The following SLC17A1 variants were observed in gnomAD, a reference collection of about 807,000 sequenced individuals.
SLC17A1 encodes solute carrier family 17 member 1.
In SLC17A1, 51 loss-of-function variants were observed where a neutral mutation model predicts 53.5. That is an observed-to-expected ratio of 0.95 (90% CI 0.76 to 1.20). The LOEUF (loss-of-function observed/expected upper bound fraction) is 1.20. Among genes scored for constraint, SLC17A1 ranks in the 50% most tolerant of loss-of-function variants. SLC17A1 has a pLI of 0.00. For synonymous variants in SLC17A1, 179 were observed against 198.8 expected (o/e 0.90, Z 0.84); for missense variants, 538 against 568.2 (o/e 0.95, Z 0.54).
downstream of SLC17A1, chr6:25,779,207 T>G (rs759611063): frequency 1.9e-6 from 3 of 1,612,626 alleles, no homozygotes; most frequent in Admixed American, 5.0e-5. Flanking sequence ...AGAGATGTGC[T>G]AGATCCTGGT....
At position 25,819,252 on chromosome 6, in the gene SLC17A1, C is replaced by A. The variant is rs974862697; in HGVS notation, c.530-98G>T. 8.2e-4 allele frequency: 664 copies of A among 807,550 alleles called. 5 individuals are homozygous for A. The highest frequency in any genetic ancestry group is 1.5e-4 in the Non-Finnish European group (75 of 511,628). 50.0% of individuals were successfully genotyped at this position (807,550 alleles called of 1,614,324 possible). On this transcript the variant is annotated intron_variant, in intron 5 of 12. Transcript: ENST00000244527. Reference sequence around the variant, plus strand: ...TAGCAATGAACAATTTCCTGTGAAACAAATTTGTGTATCATAACACAAACA... The same window carrying A: ...TAGCAATGAACAATTTCCTGTGAAAAAAATTTGTGTATCATAACACAAACA...
chr6:25,751,857 G>GA, the SLC17A1 span, among the ~76,000 whole-genome samples: 36,346 of 150,506 alleles, frequency 0.24, 4,911 homozygotes, highest in Non-Finnish European at 0.31. Context: ...AAAGAAAAAA[G>GA]AAAAAAAAAG....
chr6:25,744,271 A>C, the SLC17A1 span, among the ~76,000 whole-genome samples: 2 of 152,194 alleles, frequency 1.3e-5, no homozygotes, highest in Non-Finnish European at 2.9e-5. Flanking sequence ...TGTGTGAGTA[A>C]TCAAGAAACT....
the SLC17A1 span, among the ~76,000 whole-genome samples, chr6:25,739,382 C>T: frequency 1.5e-5 from 2 of 137,388 alleles, no homozygotes; most frequent in Non-Finnish European, 3.2e-5. Flanking sequence ...TACCATCACA[C>T]TGGAAGTTAG....
chr6:25,766,253 A>C, the SLC17A1 span, among the ~76,000 whole-genome samples: 1 of 151,798 alleles, frequency 6.6e-6, no homozygotes, highest in African/African-American at 2.4e-5. Context: ...GAAATGAAGA[A>C]AATTGTCAAA....
the SLC17A1 span, chr6:25,762,063 T>C: frequency 6.2e-7 from 1 of 1,610,202 alleles, no homozygotes; most frequent in South Asian, 1.1e-5. Context: ...GGTAAAATCA[T>C]GCACAGTAAT....
At chr6:25,804,517 T>G (rs1763890861) in intron 10 of SLC17A1, among the ~76,000 whole-genome samples, 1 of 152,042 alleles carries the variant, frequency 6.6e-6, no homozygotes, top group African/African-American at 2.4e-5. Context: ...ATGACTGGAA[T>G]AGTACCTGAC....
intron 10 of SLC17A1, 82 bp from the exon 11 acceptor site, chr6:25,801,062 A>G (rs1048555955): frequency 1.4e-4 from 109 of 797,740 alleles, no homozygotes; most frequent in Middle Eastern, 3.4e-4. Flanking sequence ...GAAATTTAAG[A>G]GAGATAATTG....
At chr6:25,726,816 G>T in the SLC17A1 span, 30 of 1,419,318 alleles carry the variant, frequency 2.1e-5, no homozygotes, top group Non-Finnish European at 2.4e-5. Flanking sequence ...AGGTCATTTG[G>T]AGCTGTTTAA....
chr6:25,786,072 A>C (rs1166801207), intron 12 of SLC17A1, among the ~76,000 whole-genome samples: 1 of 152,256 alleles, frequency 6.6e-6, no homozygotes, highest in Non-Finnish European at 1.5e-5. Flanking sequence ...TAAACAACTC[A>C]AATGCTCCTC....
At chr6:25,812,785 C>T in intron 8 of SLC17A1, 46 bp downstream of exon 8, 1 of 1,442,104 alleles carries the variant, frequency 6.9e-7, no homozygotes, top group South Asian at 1.3e-5. Context: ...CAAATGTACA[C>T]AGAGTCTTTC....
At chr6:25,826,701 A>T (rs1365364187) in intron 2 of SLC17A1, 68 bp from the exon 3 acceptor site, 7 of 1,181,544 alleles carry the variant, frequency 5.9e-6, no homozygotes, top group Non-Finnish European at 5.6e-6. Context: ...TAACTATAGG[A>T]GGGACATTCA....
the SLC17A1 span, chr6:25,777,279 T>C: frequency 3.7e-6 from 1 of 271,142 alleles, no homozygotes; most frequent in Non-Finnish European, 6.9e-6. Flanking sequence ...ATCTTGAGAT[T>C]CTATAGGGTA....
intron 11 of SLC17A1, 117 bp from the exon 12 acceptor site, chr6:25,799,036 CATACTT>C (rs769854632): frequency 1.0e-4 from 89 of 869,040 alleles, no homozygotes; most frequent in African/African-American, 2.5e-4. Flanking sequence ...TATGGAAAAA[CATACTT>C]ATACATAGCC....
intron 2 of SLC17A1, among the ~76,000 whole-genome samples, chr6:25,829,215 C>G (rs1764859611): frequency 6.6e-6 from 1 of 151,962 alleles, no homozygotes; most frequent in Non-Finnish European, 1.5e-5. Flanking sequence ...TACCAAGGTC[C>G]TAGCGATGCG....
chr6:25,733,614 G>A, the SLC17A1 span, among the ~76,000 whole-genome samples: 4 of 151,952 alleles, frequency 2.6e-5, no homozygotes, highest in African/African-American at 9.7e-5. Flanking sequence ...ATGTTTATAA[G>A]GTTTATAACA....
the SLC17A1 span, chr6:25,726,962 A>G: frequency 6.2e-7 from 1 of 1,614,170 alleles, no homozygotes; most frequent in East Asian, 2.2e-5. Flanking sequence ...GCTTTAAGAA[A>G]GCTGTCGTTA....
chr6:25,762,686 TTGTC>T, the SLC17A1 span, among the ~76,000 whole-genome samples: 4 of 152,180 alleles, frequency 2.6e-5, no homozygotes, highest in African/African-American at 9.6e-5. Flanking sequence ...TTTAGCCAGT[TTGTC>T]TGTTAAGAAT....
At position 25,812,928 on chromosome 6, in the gene SLC17A1, A is replaced by G. The variant is rs1167663367; in HGVS notation, c.800T>C (p.Ile267Thr). 1 of 1,614,038 alleles carries G rather than the reference A, an allele frequency of 6.2e-7. No individual in the cohort carries two copies. Among genetic ancestry groups the G allele is most frequent in the South Asian group, 1.1e-5 (1 of 91,082 alleles). Residue 267 changes from isoleucine to threonine, a missense_variant, in exon 8 of 13, where the codon ATT (isoleucine) becomes ACT (threonine). Coordinates refer to ENST00000244527, the MANE Select transcript of SLC17A1 (RefSeq NM_005074.5). ...GAAAAACGTAAAACTACCAGTGGAA[A>G]TAGCCCAGACTGGAAGCGACTTAAG... is the stretch of plus-strand genomic sequence containing the variant. ...AILKSLPVWAISTGSFTFFWS... is the reference protein window; with the variant it reads ...AILKSLPVWATSTGSFTFFWS...
Sources: gnomAD v4.1 joint callset for allele counts (sites outside exome capture counted in the v4.1 genomes callset) on GRCh38, gnomAD v4.1.1 for gene constraint, MANE v1.5 for transcripts, NCBI Gene and HGNC (gene_info 2026-07-23, HGNC 2026-07-21) for gene names.